The following UPP2 variants were observed in gnomAD, a reference collection of about 807,000 sequenced individuals.
UPP2 encodes uridine phosphorylase 2, also known as UPase 2.
Under a neutral mutation model 26.7 loss-of-function variants are expected in UPP2, and 23 were observed. That is an observed-to-expected ratio of 0.86 (90% CI 0.62 to 1.22). The LOEUF (loss-of-function observed/expected upper bound fraction) is 1.22, where lower values mean the gene tolerates loss of function less well. Ranked by LOEUF, UPP2 falls within the 50% of genes most tolerant of loss-of-function variation. UPP2 has a pLI of 0.00. For synonymous variants in UPP2, 127 were observed against 141.3 expected (o/e 0.90, Z 0.72); for missense variants, 387 against 396.7 (o/e 0.98, Z 0.21).
intron 6 of UPP2, among the ~76,000 whole-genome samples, chr2:158,125,045 TA>T (rs1683663735): frequency 6.6e-6 from 1 of 152,130 alleles, no homozygotes; most frequent in Non-Finnish European, 1.5e-5. Context: ...GCTTAAACGT[TA>T]AAAGTTAATT....
At chr2:158,132,160 T>G (rs193230703) in intron 6 of UPP2, among the ~76,000 whole-genome samples, 1 of 152,268 alleles carries the variant, frequency 6.6e-6, no homozygotes, top group African/African-American at 2.4e-5. Flanking sequence ...TACAGCCAAG[T>G]TGCTTTACAA....
At chr2:158,013,250 C>T (rs1010316027) in intron 2 of UPP2, among the ~76,000 whole-genome samples, 1 of 152,174 alleles carries the variant, frequency 6.6e-6, no homozygotes, top group African/African-American at 2.4e-5. Flanking sequence ...CTGACTTCGG[C>T]CTCCCAAAGT....
intron 3 of UPP2, among the ~76,000 whole-genome samples, chr2:158,035,181 G>T (rs1336555033): frequency 1.3e-5 from 2 of 148,152 alleles, no homozygotes; most frequent in Non-Finnish European, 1.5e-5. Flanking sequence ...TTTCTGAGAT[G>T]GAGTCTTGCT....
chr2:158,114,923 T>C (rs1007345031), intron 2 of UPP2, among the ~76,000 whole-genome samples, 178 bp from the exon 3 acceptor site: 3 of 152,262 alleles, frequency 2.0e-5, no homozygotes, highest in African/African-American at 7.2e-5. Flanking sequence ...TTTGCATCTG[T>C]TGCTTTATTT....
intron 2 of UPP2, among the ~76,000 whole-genome samples, 164 bp from the exon 3 acceptor site, chr2:158,114,937 G>C (rs1258805861): frequency 6.6e-6 from 1 of 152,096 alleles, no homozygotes; most frequent in Non-Finnish European, 1.5e-5. Context: ...TTTATTTACA[G>C]GTTGATGATG....
At chr2:158,011,211 A>G (rs1683571914) in intron 2 of UPP2, among the ~76,000 whole-genome samples, 1 of 152,192 alleles carries the variant, frequency 6.6e-6, no homozygotes, top group African/African-American at 2.4e-5. Flanking sequence ...GCAGAAATAC[A>G]ATAGGAAATA....
chr2:158,007,623 C>G (rs1020457489), intron 2 of UPP2, among the ~76,000 whole-genome samples: 2 of 146,482 alleles, frequency 1.4e-5, no homozygotes, highest in Admixed American at 6.6e-5. Flanking sequence ...GTATTTCTCT[C>G]TCTCTCTTTT....
chr2:158,127,510 T>C (rs542096129), intron 6 of UPP2, among the ~76,000 whole-genome samples: 4 of 152,130 alleles, frequency 2.6e-5, no homozygotes, highest in South Asian at 2.1e-4. Flanking sequence ...AAAATGGCCA[T>C]TGCAAACTTT....
chr2:158,020,446 T>C (rs1279583372), intron 3 of UPP2, among the ~76,000 whole-genome samples: 1 of 152,218 alleles, frequency 6.6e-6, no homozygotes, highest in Non-Finnish European at 1.5e-5. Flanking sequence ...GTCCAGAGAC[T>C]GGACGGCAGG....
At chr2:158,118,025 A>G in intron 4 of UPP2, 87 bp downstream of exon 4, 4 of 1,152,054 alleles carry the variant, frequency 3.5e-6, no homozygotes, top group Non-Finnish European at 5.1e-6. Context: ...TTCAGAGCCC[A>G]GCAAAAGCCC....
intron 5 of UPP2, among the ~76,000 whole-genome samples, chr2:158,122,675 C>T (rs1332786900): frequency 1.3e-5 from 2 of 149,388 alleles, no homozygotes; most frequent in Admixed American, 6.6e-5. Flanking sequence ...TTAACACCCA[C>T]ATTTCTGGCT....
chr2:158,029,007 G>A (rs1160638), intron 3 of UPP2, among the ~76,000 whole-genome samples: 33,476 of 152,106 alleles, frequency 0.22, 5,900 homozygotes, highest in African/African-American at 0.48. Flanking sequence ...TCAGAGCTTC[G>A]TCAGCCCAGA....
intron 1 of UPP2, among the ~76,000 whole-genome samples, chr2:158,105,338 C>T (rs969844560): frequency 6.6e-6 from 1 of 152,042 alleles, no homozygotes; most frequent in African/African-American, 2.4e-5. Flanking sequence ...CTAGCACTGC[C>T]GTGATGGGGG....
intron 1 of UPP2, among the ~76,000 whole-genome samples, chr2:158,103,180 G>A (rs1469732191): frequency 6.6e-6 from 1 of 152,116 alleles, no homozygotes; most frequent in Non-Finnish European, 1.5e-5. Flanking sequence ...CTGATAAAGT[G>A]ATCATCTTAG....
intron 3 of UPP2, among the ~76,000 whole-genome samples, chr2:158,057,254 T>A (rs1466580723): frequency 6.6e-6 from 1 of 152,210 alleles, no homozygotes; most frequent in Non-Finnish European, 1.5e-5. Flanking sequence ...TTGTGCATTT[T>A]GGAAGGAAGT....
intron 3 of UPP2, among the ~76,000 whole-genome samples, chr2:158,091,734 G>A (rs755246493): frequency 7.2e-5 from 11 of 152,186 alleles, no homozygotes; most frequent in Non-Finnish European, 1.3e-4. Context: ...GTGACGAGGT[G>A]CCTGGGCTCC....
intron 2 of UPP2, among the ~76,000 whole-genome samples, chr2:158,002,002 C>G (rs1024880267): frequency 5.5e-5 from 8 of 144,556 alleles, no homozygotes; most frequent in Non-Finnish European, 1.1e-4. Flanking sequence ...GAGCTGTTAC[C>G]TTACATGGAA....
intron 2 of UPP2, among the ~76,000 whole-genome samples, chr2:157,996,404 T>C (rs2105459359): frequency 6.6e-6 from 1 of 152,346 alleles, no homozygotes; most frequent in South Asian, 2.1e-4. Context: ...TAGAACTTGT[T>C]TACTCCCTAT....
At chr2:158,045,044 C>T (rs1196821088) in intron 3 of UPP2, among the ~76,000 whole-genome samples, 1 of 152,210 alleles carries the variant, frequency 6.6e-6, no homozygotes, top group African/African-American at 2.4e-5. Flanking sequence ...CACCTTTCCA[C>T]CTTTTTCCTG....
Sources: gnomAD v4.1 joint callset for allele counts (sites outside exome capture counted in the v4.1 genomes callset) on GRCh38, gnomAD v4.1.1 for gene constraint, MANE v1.5 for transcripts, NCBI Gene and HGNC (gene_info 2026-07-23, HGNC 2026-07-21) for gene names.